The following SLC25A18 variants were observed in gnomAD, a reference collection of about 807,000 sequenced individuals.
SLC25A18 encodes mitochondrial glutamate carrier 2.
SLC25A18 carries 24 observed loss-of-function variants against 31.1 expected under a neutral mutation model. The ratio of observed to expected loss-of-function variants is 0.77; its 90% CI spans 0.56 to 1.08. The LOEUF is 1.08. SLC25A18 is among the 50% of genes least tolerant of loss of function. The pLI, the probability that SLC25A18 is intolerant of heterozygous loss-of-function variation, is 0.00. For missense variants in SLC25A18, 371 were observed against 418.5 expected (o/e 0.89, Z 0.99); for synonymous variants, 173 against 161.9 (o/e 1.07, Z -0.52).
At chr22:17,588,117 A>G (rs1465347191) in intron 9 of SLC25A18, 38 bp downstream of exon 9, 4 of 1,610,890 alleles carry the variant, frequency 2.5e-6, no homozygotes, top group Non-Finnish European at 2.5e-6. Context: ...TATGGGATAA[A>G]CAGTAATTTT....
rs2057377604 is a variant in SLC25A18 at position 17,581,636 on chromosome 22, C to T, written c.199+223C>T. On this transcript the variant is annotated intron_variant, in intron 5 of 10. Transcript: ENST00000327451. ...CCCCCCGCCACCGCCTCAGTAAGAGCAGGCGAGCCCTCCCTACCTGCCTGC... is the reference window on the plus strand; with the variant it reads ...CCCCCCGCCACCGCCTCAGTAAGAGTAGGCGAGCCCTCCCTACCTGCCTGC... The T allele has an allele frequency of 7.1e-6, 4 of 562,718 alleles. No homozygotes were observed. The East Asian group carries it at 1.2e-4, about 17-fold the overall frequency. 34.9% of individuals were successfully genotyped at this position (562,718 alleles called of 1,614,324 possible). A position where few individuals can be genotyped will look rare whatever the true frequency, so the allele number is the denominator to read the frequency against.
chr22:17,574,830 T>TTTTTTATTA (rs1555947157), intron 2 of SLC25A18, among the ~76,000 whole-genome samples: 6 of 137,832 alleles, frequency 4.4e-5, no homozygotes, highest in African/African-American at 1.4e-4. Context: ...CAATGTTCCC[T>TTTTTTATTA]TTATTATTAT....
At chr22:17,581,233 C>T (rs751527658) in intron 4 of SLC25A18, 74 bp downstream of exon 4, 900 of 1,571,214 alleles carry the variant, frequency 5.7e-4, no homozygotes, top group Non-Finnish European at 7.4e-4. Context: ...CTCCAGTCTC[C>T]AGGCAGCGCG....
chr22:17,567,995 T>A (rs988460551), intron 1 of SLC25A18, among the ~76,000 whole-genome samples: 5 of 152,074 alleles, frequency 3.3e-5, no homozygotes, highest in Admixed American at 1.3e-4. Context: ...CTGGTTTTTT[T>A]GGCTGGAATG....
chr22:17,580,775 G>A (rs1272846188), intron 3 of SLC25A18: 2 of 1,234,224 alleles, frequency 1.6e-6, no homozygotes, highest in Non-Finnish European at 2.0e-6. Context: ...CGGCCCATGG[G>A]GGCAGAGCTG....
intron 1 of SLC25A18, among the ~76,000 whole-genome samples, chr22:17,566,694 G>A (rs936417351): frequency 3.9e-5 from 6 of 152,154 alleles, no homozygotes; most frequent in Admixed American, 2.0e-4. Context: ...TTACAGGCCC[G>A]AGCCACCGTG....
chr22:17,590,153 C>T lies in SLC25A18; in HGVS notation c.865C>T (p.Leu289=), dbSNP rs2057678642. Residue 289 remains leucine, a synonymous_variant, in exon 11 of 11, where the codon CTG becomes TTG. Transcript: ENST00000327451. ...AFMKGAGCRA[L]VIAPLFGIAQ... is the part of the protein sequence containing the mutation. ...CATGAAAGGCGCTGGCTGCCGGGCA[C>T]TGGTCATAGCACCTCTCTTTGGGAT... The T allele has an allele frequency of 6.2e-7, 1 of 1,614,136 alleles. No homozygotes were observed. Among genetic ancestry groups the T allele is most frequent in the South Asian group, 1.1e-5 (1 of 91,088 alleles).
At chr22:17,589,185 CTTTTTTTG>C (rs2057643726) in intron 9 of SLC25A18, 2 of 147,222 alleles carry the variant, frequency 1.4e-5, no homozygotes, top group Non-Finnish European at 2.9e-5. Context: ...TTTTTTTTTT[CTTTTTTTG>C]TTTTTGAGAT....
chr22:17,567,225 CTAAGTGCACTACATCTAGA>C (rs2056960285), intron 1 of SLC25A18, among the ~76,000 whole-genome samples: 1 of 152,174 alleles, frequency 6.6e-6, no homozygotes, highest in Non-Finnish European at 1.5e-5. Flanking sequence ...AGGCACTGTA[CTAAGTGCACTACATCTAGA>C]TATGAGTCCC....
intron 9 of SLC25A18, chr22:17,589,275 G>A (rs2057647351): frequency 1.6e-5 from 4 of 250,564 alleles, no homozygotes; most frequent in Non-Finnish European, 2.4e-5. Flanking sequence ...CCACCTCCCT[G>A]GTTCAAGCGA....
intron 1 of SLC25A18, among the ~76,000 whole-genome samples, chr22:17,568,378 AAAAG>A (rs1359522993): frequency 2.0e-5 from 3 of 151,070 alleles, no homozygotes; most frequent in Non-Finnish European, 2.9e-5. Context: ...AAAAAAAAAA[AAAAG>A]GCAGATGAGA....
intron 1 of SLC25A18, among the ~76,000 whole-genome samples, chr22:17,567,449 A>T (rs1209837441): frequency 6.6e-6 from 1 of 151,998 alleles, no homozygotes; most frequent in Non-Finnish European, 1.5e-5. Context: ...AAAGCACTAA[A>T]GTAGCTTCCC....
At position 17,581,133 on chromosome 22, in the gene SLC25A18, G is replaced by A. The variant is rs766495770; in HGVS notation, c.117G>A (p.Gln39=). ...IDLAKTRLQN[Q]HGKAMYKGMI... ...TGGCCAAGACTCGCCTGCAGAACCA[G>A]CATGGGAAAGCCATGTACAAAGGAA... Residue 39 remains glutamine, a synonymous_variant, in exon 4 of 11, where the codon CAG becomes CAA. Coordinates refer to ENST00000327451, the MANE Select transcript of SLC25A18 (RefSeq NM_031481.3). 11 of 1,596,136 alleles carry A rather than the reference G, an allele frequency of 6.9e-6. No homozygotes were observed. Among genetic ancestry groups the A allele is most frequent in the Non-Finnish European group, 9.4e-6 (11 of 1,171,204 alleles).
intron 2 of SLC25A18, among the ~76,000 whole-genome samples, chr22:17,579,060 GTTTTTTGT>G (rs1311171543): frequency 3.2e-4 from 40 of 123,110 alleles, no homozygotes; most frequent in African/African-American, 1.0e-3. Flanking sequence ...TCTTAAGTGG[GTTTTTTGT>G]TTGTTTGTTT....
chr22:17,574,890 C>T (rs562742078), intron 2 of SLC25A18, among the ~76,000 whole-genome samples: 4 of 129,100 alleles, frequency 3.1e-5, no homozygotes, highest in Middle Eastern at 7.9e-3. Flanking sequence ...CTCGCTCTGT[C>T]GCCCAGGCTA....
At chr22:17,567,238 A>G (rs1231346282) in intron 1 of SLC25A18, among the ~76,000 whole-genome samples, 1 of 152,098 alleles carries the variant, frequency 6.6e-6, no homozygotes, top group African/African-American at 2.4e-5. Flanking sequence ...AGTGCACTAC[A>G]TCTAGATATG....
intron 2 of SLC25A18, among the ~76,000 whole-genome samples, chr22:17,574,523 AT>A (rs367706227): frequency 0.15 from 20,064 of 134,394 alleles, 1,671 homozygotes; most frequent in Non-Finnish European, 0.2. Flanking sequence ...TTTTTTTTTT[AT>A]TTTTTTTTTT....
At chr22:17,584,446 G>GGAAAGAGAGAGAGAGA (rs1205165235) in intron 7 of SLC25A18, among the ~76,000 whole-genome samples, 3 of 116,822 alleles carry the variant, frequency 2.6e-5, no homozygotes, top group African/African-American at 1.0e-4. Flanking sequence ...AAGGAAGGAA[G>GGAAAGAGAGAGAGAGA]GAGAGAGAGA....
At chr22:17,570,986 C>G (rs1479920824) in intron 2 of SLC25A18, among the ~76,000 whole-genome samples, 2 of 152,170 alleles carry the variant, frequency 1.3e-5, no homozygotes, top group Non-Finnish European at 2.9e-5. Context: ...TTGTAAATCA[C>G]TGGGTTTGGA....
Sources: allele counts gnomAD v4.1 joint callset (sites outside exome capture counted in the v4.1 genomes callset), GRCh38; gene constraint gnomAD v4.1.1; transcripts MANE v1.5; gene names NCBI Gene and HGNC (gene_info 2026-07-23, HGNC 2026-07-21).